The following ADGRL3 variants were observed in gnomAD, a reference collection of about 807,000 sequenced individuals.
The protein encoded by ADGRL3 is calcium-independent alpha-latrotoxin receptor 3.
Under a neutral mutation model 153.5 loss-of-function variants are expected in ADGRL3, and 62 were observed. That is an observed-to-expected ratio of 0.40 (90% confidence interval 0.33 to 0.50). The LOEUF (loss-of-function observed/expected upper bound fraction) is 0.50, where lower values mean the gene tolerates loss of function less well. ADGRL3 is among the 20% of genes least tolerant of loss of function. The probability of loss-of-function intolerance (pLI) is 0.47; values close to 1 mark genes in which losing one functional copy is unlikely to be tolerated. For synonymous variants in ADGRL3, 710 were observed against 672.5 expected (o/e 1.06, Z -0.86); for missense variants, 1,641 against 1,859.4 (o/e 0.88, Z 2.16).
chr4:61,750,676 G>A (rs2096744241), intron 8 of ADGRL3, among the ~76,000 whole-genome samples: 1 of 151,196 alleles, frequency 6.6e-6, no homozygotes, highest in Admixed American at 6.6e-5. Context: ...TGTAGTCCCA[G>A]CTACTTGGGA....
rs530999586 is a variant in ADGRL3 at position 61,554,351 on chromosome 4, G to A, written c.260-32876G>A. Among the ~76,000 whole-genome samples the A allele has an allele frequency of 5.3e-5, 8 of 151,816 alleles. No homozygotes were observed. The South Asian group carries it at 1.5e-3, about 28-fold the overall frequency. On this transcript the variant is annotated intron_variant, in intron 4 of 26. Coordinates refer to ENST00000683033, the MANE Select transcript of ADGRL3 (RefSeq NM_001387552.1). ...TGGGATTACAGGCGCGTGCCACCAC[G>A]TCTAGCTAATTTTTTTGTATTTTTA...
At chr4:62,015,938 C>A (rs534443351) in intron 21 of ADGRL3, among the ~76,000 whole-genome samples, 44 of 151,864 alleles carry the variant, frequency 2.9e-4, no homozygotes, top group African/African-American at 9.9e-4. Flanking sequence ...CAACTTTTTC[C>A]TCTAAGGTAT....
chr4:61,480,287 T>C (rs897488021), intron 2 of ADGRL3, among the ~76,000 whole-genome samples: 1 of 152,170 alleles, frequency 6.6e-6, no homozygotes, highest in Admixed American at 6.5e-5. Context: ...TCAATATTTG[T>C]TGTTCTGTGT....
At chr4:61,216,211 G>A (rs1742708548) in intron 1 of ADGRL3, among the ~76,000 whole-genome samples, 1 of 152,044 alleles carries the variant, frequency 6.6e-6, no homozygotes, top group Non-Finnish European at 1.5e-5. Context: ...TTTTGTGATG[G>A]CTTAAAGAGA....
intron 21 of ADGRL3, among the ~76,000 whole-genome samples, chr4:62,008,183 A>T (rs1470391947): frequency 3.3e-5 from 5 of 152,064 alleles, no homozygotes; most frequent in Non-Finnish European, 5.9e-5. Flanking sequence ...TGTAAACAAG[A>T]GCTGAGAAAT....
At chr4:61,897,754 C>T (rs2098639933) in intron 11 of ADGRL3, among the ~76,000 whole-genome samples, 1 of 152,102 alleles carries the variant, frequency 6.6e-6, no homozygotes, top group African/African-American at 2.4e-5. Flanking sequence ...GAATTCATCC[C>T]TTTTCTCATC....
chr4:61,505,480 G>A (rs899517797), intron 3 of ADGRL3, among the ~76,000 whole-genome samples: 1 of 152,038 alleles, frequency 6.6e-6, no homozygotes, highest in Non-Finnish European at 1.5e-5. Flanking sequence ...ATACAAAACA[G>A]CAAGGCAATT....
chr4:61,255,302 C>T (rs891867546), intron 1 of ADGRL3, among the ~76,000 whole-genome samples: 3 of 152,126 alleles, frequency 2.0e-5, no homozygotes, highest in Admixed American at 6.6e-5. Context: ...CTAGAGTTTT[C>T]GAAATGATTC....
Position 61,951,076 on chromosome 4 carries a change from A to G in ADGRL3, c.2805+2800A>G, listed in dbSNP as rs1196144576. Among the ~76,000 whole-genome samples, 3 of 152,236 alleles carry G rather than the reference A, an allele frequency of 2.0e-5. No homozygotes were observed. The East Asian group carries it at 5.8e-4, about 29-fold the overall frequency. On this transcript the variant is annotated intron_variant, in intron 17 of 26. Transcript: ENST00000683033. ...TTTTATTTTTTATTTTTACTTATTT[A>G]TTTATTTCCATCTCTTGTGCTTGAA...
At chr4:61,444,878 C>A (rs961073084) in intron 2 of ADGRL3, among the ~76,000 whole-genome samples, 6 of 151,952 alleles carry the variant, frequency 3.9e-5, no homozygotes, top group Non-Finnish European at 7.4e-5. Context: ...CATGGCGAAA[C>A]CTTGTCCCTA....
intron 1 of ADGRL3, among the ~76,000 whole-genome samples, chr4:61,258,354 T>C (rs938059100): frequency 6.6e-6 from 1 of 152,206 alleles, no homozygotes; most frequent in Non-Finnish European, 1.5e-5. Flanking sequence ...TCCCCTGGAA[T>C]TCATAAGCAT....
chr4:61,305,524 G>T (rs2094746388), intron 1 of ADGRL3, among the ~76,000 whole-genome samples: 1 of 152,082 alleles, frequency 6.6e-6, no homozygotes, highest in African/African-American at 2.4e-5. Flanking sequence ...TTTTCTAAAT[G>T]GACTGGCTTT....
At chr4:61,744,527 A>T (rs1025903809) in intron 8 of ADGRL3, among the ~76,000 whole-genome samples, 1 of 152,110 alleles carries the variant, frequency 6.6e-6, no homozygotes, top group African/African-American at 2.4e-5. Flanking sequence ...ATTCCAGAGG[A>T]GCTATCAGGC....
intron 25 of ADGRL3, among the ~76,000 whole-genome samples, chr4:62,060,529 A>AT (rs1215629386): frequency 6.6e-6 from 1 of 151,878 alleles, no homozygotes; most frequent in African/African-American, 2.4e-5. Flanking sequence ...ATTTAGAATG[A>AT]TTTTAGAAAT....
intron 1 of ADGRL3, among the ~76,000 whole-genome samples, chr4:61,372,075 C>T (rs1207523918): frequency 6.6e-6 from 1 of 152,096 alleles, no homozygotes; most frequent in African/African-American, 2.4e-5. Flanking sequence ...TGGTTTTCAG[C>T]TCCATCAGCT....
At chr4:61,617,526 CT>C (rs2092133269) in intron 5 of ADGRL3, among the ~76,000 whole-genome samples, 2 of 152,116 alleles carry the variant, frequency 1.3e-5, no homozygotes, top group Non-Finnish European at 2.9e-5. Context: ...TCTTGCACCT[CT>C]TAGATTTTTC....
At chr4:61,339,680 T>A (rs2095762949) in intron 1 of ADGRL3, among the ~76,000 whole-genome samples, 1 of 152,214 alleles carries the variant, frequency 6.6e-6, no homozygotes, top group Non-Finnish European at 1.5e-5. Context: ...AAAAAATTCT[T>A]TTGAATTTGT....
intron 1 of ADGRL3, among the ~76,000 whole-genome samples, chr4:61,322,014 G>A (rs1295836365): frequency 1.3e-5 from 2 of 152,102 alleles, no homozygotes; most frequent in Non-Finnish European, 1.5e-5. Context: ...CCTGAGACTG[G>A]GCAATTTACA....
Position 62,071,483 on chromosome 4 carries a change from C to G in ADGRL3, c.*575C>G. The G allele has an allele frequency of 5.8e-6, 1 of 172,682 alleles. No individual in the cohort carries two copies. Among genetic ancestry groups the G allele is most frequent in the Non-Finnish European group, 1.2e-5 (1 of 80,772 alleles). The allele number at this position is 172,682 out of a possible 1,614,324, so 10.7% of individuals were successfully genotyped here. On this transcript the variant is annotated 3_prime_UTR_variant, in exon 27 of 27. Transcript: ENST00000683033. ...TGGAGGGGAATTCTAGAATTATATG[C>G]TAAATGCATATTTTATGATTTGCTG...
Sources: allele counts gnomAD v4.1 joint callset (sites outside exome capture counted in the v4.1 genomes callset), GRCh38; gene constraint gnomAD v4.1.1; transcripts MANE v1.5; gene names NCBI Gene and HGNC (gene_info 2026-07-23, HGNC 2026-07-21).